The following FRMD4A variants were observed in gnomAD, a reference collection of about 807,000 sequenced individuals.
FRMD4A encodes the protein FERM domain-containing protein 4A.
FRMD4A carries 29 observed loss-of-function variants against 129.1 expected under a neutral mutation model. That is an observed-to-expected ratio of 0.22 (90% CI 0.17 to 0.31). FRMD4A has a LOEUF of 0.31. FRMD4A is among the 10% of genes least tolerant of loss of function. The pLI is 1.00. For missense variants in FRMD4A, 1,272 were observed against 1,375.8 expected, an observed-to-expected ratio of 0.92 and a Z score of 1.19; for synonymous variants, 634 against 571.6, an observed-to-expected ratio of 1.11 and a Z score of -1.56.
chr10:14,213,189 A>G (rs1842978815), intron 2 of FRMD4A, among the ~76,000 whole-genome samples: 1 of 152,200 alleles, frequency 6.6e-6, no homozygotes, highest in African/African-American at 2.4e-5. Flanking sequence ...GGCTGCAGTG[A>G]GCTATGATTG....
At chr10:13,673,168 A>C (rs2083660093) in intron 16 of FRMD4A, among the ~76,000 whole-genome samples, 1 of 152,152 alleles carries the variant, frequency 6.6e-6, no homozygotes, top group Non-Finnish European at 1.5e-5. Flanking sequence ...TATTTTTTCC[A>C]ATCCTTCAAG....
intron 2 of FRMD4A, among the ~76,000 whole-genome samples, chr10:13,962,077 A>ATGAATGAC (rs1202866957): frequency 2.1e-5 from 3 of 144,734 alleles, no homozygotes; most frequent in African/African-American, 5.1e-5. Flanking sequence ...GAATGAATGA[A>ATGAATGAC]TCTTCATTTA....
chr10:14,206,142 G>A (rs1022388124), intron 2 of FRMD4A, among the ~76,000 whole-genome samples: 15 of 152,132 alleles, frequency 9.9e-5, no homozygotes, highest in South Asian at 2.1e-4. Context: ...TTGATTGGTC[G>A]TTAGGTTATT....
intron 2 of FRMD4A, among the ~76,000 whole-genome samples, chr10:14,188,453 C>T (rs929891032): frequency 1.3e-5 from 2 of 152,198 alleles, no homozygotes; most frequent in African/African-American, 4.8e-5. Context: ...ATTTGCCTCC[C>T]GCCTGCCAAA....
intron 14 of FRMD4A, among the ~76,000 whole-genome samples, chr10:13,697,614 T>G (rs899684505): frequency 6.6e-6 from 1 of 151,984 alleles, no homozygotes; most frequent in African/African-American, 2.4e-5. Context: ...CTGGGAGTCT[T>G]GGCTGATACA....
chr10:14,320,155 AC>A (rs1291166570), intron 2 of FRMD4A, among the ~76,000 whole-genome samples: 1 of 151,964 alleles, frequency 6.6e-6, no homozygotes, highest in Admixed American at 6.6e-5. Flanking sequence ...TCCCCAGCAC[AC>A]CCTGCCTTCC....
rs1473267533 is a variant in FRMD4A at position 13,884,152 on chromosome 10, A to ACACT, written c.46-25241_46-25240insAGTG. Among the ~76,000 whole-genome samples, 5 of 23,428 alleles carry ACACT rather than the reference A, an allele frequency of 2.1e-4. 1 individual carries two copies. Among genetic ancestry groups the ACACT allele is most frequent in the Non-Finnish European group, 4.7e-4 (4 of 8,576 alleles). The allele number at this position is 23,428 out of a possible 152,430, so 15.4% of individuals were successfully genotyped here. A position where few individuals can be genotyped will look rare whatever the true frequency, so the allele number is the denominator to read the frequency against. ...CACACGCTCACACACACTCTCACAC[A>ACACT]CTCTCACACACACACTCACACACTC... On this transcript the variant is annotated intron_variant, in intron 2 of 24. Coordinates refer to ENST00000357447, the MANE Select transcript of FRMD4A (RefSeq NM_018027.5).
intron 2 of FRMD4A, among the ~76,000 whole-genome samples, chr10:13,997,984 C>T (rs192316260): frequency 9.1e-4 from 138 of 152,270 alleles, no homozygotes; most frequent in African/African-American, 3.1e-3. Context: ...ATTTCTTAGT[C>T]CTTATCTCAC....
chr10:14,309,364 C>T (rs1461315524), intron 2 of FRMD4A, among the ~76,000 whole-genome samples: 3 of 152,126 alleles, frequency 2.0e-5, no homozygotes, highest in Non-Finnish European at 2.9e-5. Flanking sequence ...GCGGGACAAT[C>T]GCTTGAGCCA....
At position 13,888,967 on chromosome 10, in the gene FRMD4A, A is replaced by G. The variant is rs1423178822; in HGVS notation, c.46-30055T>C. ...TTGCTCCATTATACTTTCATTCAGT[A>G]TGATGCGTCAGGCTAAACGCAAGTC... On this transcript the variant is annotated intron_variant, in intron 2 of 24. Coordinates refer to ENST00000357447, the MANE Select transcript of FRMD4A (RefSeq NM_018027.5). Among the ~76,000 whole-genome samples, 3 of 152,256 alleles carry G rather than the reference A, an allele frequency of 2.0e-5. No individual in the cohort carries two copies. In the East Asian group the frequency reaches 5.8e-4, roughly 29 times the overall value.
chr10:14,300,199 G>A (rs1412265020), intron 2 of FRMD4A, among the ~76,000 whole-genome samples: 1 of 151,900 alleles, frequency 6.6e-6, no homozygotes, highest in Non-Finnish European at 1.5e-5. Context: ...CATATCTCTC[G>A]AGTCCCCAGG....
intron 12 of FRMD4A, among the ~76,000 whole-genome samples, chr10:13,713,999 C>CATATATATAAAAATATATA (rs1564672365): frequency 3.5e-5 from 1 of 28,966 alleles, no homozygotes; most frequent in Non-Finnish European, 7.5e-5. Flanking sequence ...ATATAATATA[C>CATATATATAAAAATATATA]ATATATAATA....
intron 2 of FRMD4A, among the ~76,000 whole-genome samples, chr10:14,156,503 G>A (rs1182142866): frequency 1.3e-5 from 2 of 151,938 alleles, no homozygotes; most frequent in African/African-American, 2.4e-5. Flanking sequence ...TATAAATAAC[G>A]GTATCAGATG....
At chr10:14,024,325 C>T (rs1283852309) in intron 2 of FRMD4A, among the ~76,000 whole-genome samples, 4 of 152,142 alleles carry the variant, frequency 2.6e-5, no homozygotes, top group African/African-American at 7.2e-5. Flanking sequence ...GACTCTCTTG[C>T]GCCTGGAATA....
At chr10:13,671,219 C>T (rs959125203) in intron 16 of FRMD4A, among the ~76,000 whole-genome samples, 13 of 152,092 alleles carry the variant, frequency 8.5e-5, no homozygotes, top group Admixed American at 6.6e-4. Flanking sequence ...TTTGGGAAGC[C>T]GAGGCAGGCG....
intron 2 of FRMD4A, among the ~76,000 whole-genome samples, chr10:14,141,845 A>G (rs1227983175): frequency 6.6e-6 from 1 of 152,134 alleles, no homozygotes; most frequent in Non-Finnish European, 1.5e-5. Context: ...GTGTCTGTGC[A>G]TGTGTGTTTC....
chr10:13,825,500 C>T (rs750323822), intron 3 of FRMD4A, among the ~76,000 whole-genome samples: 8 of 152,154 alleles, frequency 5.3e-5, no homozygotes, highest in Non-Finnish European at 1.2e-4. Context: ...GTTGTATGCT[C>T]CTTATGAGAA....
At chr10:13,979,210 A>G (rs190634500) in intron 2 of FRMD4A, among the ~76,000 whole-genome samples, 10 of 152,232 alleles carry the variant, frequency 6.6e-5, no homozygotes, top group Admixed American at 1.3e-4. Flanking sequence ...AAAAAAATAC[A>G]TATTTGTTTT....
rs114018353 is a variant in FRMD4A, at chr10:13,804,366, A to C, written c.206+6448T>G. On this transcript the variant is annotated intron_variant, in intron 4 of 24. Transcript: ENST00000357447. ...ATTGTAGATAAGCTTGTGGCCAGGA[A>C]TGCTGAATGACTGAACCCTTTTCAG... Among the ~76,000 whole-genome samples, 1,515 of 152,244 alleles carry C rather than the reference A, an allele frequency of 1.0e-2. 22 individuals are homozygous for C. The highest frequency in any genetic ancestry group is 0.033 in the African/African-American group (1,371 of 41,528).
Sources: allele counts gnomAD v4.1 joint callset (sites outside exome capture counted in the v4.1 genomes callset), GRCh38; gene constraint gnomAD v4.1.1; transcripts MANE v1.5; gene names NCBI Gene and HGNC (gene_info 2026-07-23, HGNC 2026-07-21).